Variants in GRID2 observed in about 807,000 individuals in gnomAD.
The protein encoded by GRID2 is glutamate ionotropic receptor delta type subunit 2.
GRID2 carries 33 observed loss-of-function variants against 114.8 expected under a neutral mutation model. The observed-to-expected ratio is 0.29, with a 90% CI of 0.22 to 0.38. GRID2 has a LOEUF of 0.38. Ranked by LOEUF, GRID2 falls within the 10% of genes least tolerant of loss-of-function variation. The probability of loss-of-function intolerance (pLI) is 1.00; values close to 1 mark genes in which losing one functional copy is unlikely to be tolerated. For synonymous variants in GRID2, 505 were observed against 449.9 expected (o/e 1.12, Z -1.55); for missense variants, 1,184 against 1,257.7 (o/e 0.94, Z 0.89).
intron 2 of GRID2, among the ~76,000 whole-genome samples, chr4:92,977,831 G>T (rs552730674): frequency 6.6e-6 from 1 of 152,146 alleles, no homozygotes; most frequent in Non-Finnish European, 1.5e-5. Flanking sequence ...TGAGCAATTA[G>T]ATAGCTACAA....
intron 13 of GRID2, among the ~76,000 whole-genome samples, chr4:93,590,917 C>A (rs1399344071): frequency 6.6e-6 from 1 of 151,066 alleles, no homozygotes; most frequent in Admixed American, 6.6e-5. Context: ...TATCCTGAGA[C>A]TTTGCTGAAG....
At chr4:92,800,331 G>GA (rs780122156) in intron 2 of GRID2, among the ~76,000 whole-genome samples, 1 of 149,996 alleles carries the variant, frequency 6.7e-6, no homozygotes, top group South Asian at 2.1e-4. Flanking sequence ...AGGAAGGAAA[G>GA]AAAAAAAAGA....
intron 2 of GRID2, among the ~76,000 whole-genome samples, chr4:92,952,710 C>G (rs960998329): frequency 3.3e-5 from 5 of 152,204 alleles, no homozygotes; most frequent in Non-Finnish European, 7.3e-5. Context: ...GTATCTTTCT[C>G]ACCTGCACAT....
At chr4:92,450,701 G>T (rs1052880420) in intron 1 of GRID2, among the ~76,000 whole-genome samples, 3 of 151,220 alleles carry the variant, frequency 2.0e-5, no homozygotes, top group Admixed American at 2.0e-4. Context: ...ATTCTTAATG[G>T]TACTTTTCTG....
chr4:93,618,210 AT>A (rs1741888903), intron 13 of GRID2, among the ~76,000 whole-genome samples: 1 of 152,118 alleles, frequency 6.6e-6, no homozygotes, highest in Non-Finnish European at 1.5e-5. Context: ...AGCCTCAAAG[AT>A]TTTTTTGGTC....
At chr4:92,779,294 C>T (rs1017260796) in intron 2 of GRID2, among the ~76,000 whole-genome samples, 2 of 151,800 alleles carry the variant, frequency 1.3e-5, no homozygotes, top group African/African-American at 4.8e-5. Context: ...CCCTATCACA[C>T]AATGCAAACC....
chr4:93,570,204 A>T (rs1234701257), intron 13 of GRID2, among the ~76,000 whole-genome samples: 1 of 152,168 alleles, frequency 6.6e-6, no homozygotes, highest in Non-Finnish European at 1.5e-5. Context: ...CTCAGTAGCC[A>T]GTGGTGGAGC....
At chr4:92,589,965 C>T (rs935219891) in intron 1 of GRID2, among the ~76,000 whole-genome samples, 166 bp from the exon 2 acceptor site, 2 of 152,188 alleles carry the variant, frequency 1.3e-5, no homozygotes, top group Non-Finnish European at 2.9e-5. Context: ...TATTCCTTCT[C>T]AGCTATTACA....
intron 2 of GRID2, among the ~76,000 whole-genome samples, chr4:92,684,623 T>A (rs1733812159): frequency 6.6e-6 from 1 of 152,014 alleles, no homozygotes; most frequent in South Asian, 2.1e-4. Flanking sequence ...TAGAGAAAAC[T>A]TTTTCATGAA....
intron 13 of GRID2, among the ~76,000 whole-genome samples, chr4:93,528,048 T>A (rs746151710): frequency 2.4e-4 from 37 of 152,120 alleles, no homozygotes; most frequent in Non-Finnish European, 4.7e-4. Flanking sequence ...TTTCCTTCAA[T>A]TTTAAGGCTA....
intron 14 of GRID2, among the ~76,000 whole-genome samples, chr4:93,761,763 G>C (rs1183391245): frequency 6.6e-6 from 1 of 152,126 alleles, no homozygotes; most frequent in African/African-American, 2.4e-5. Flanking sequence ...TACACTATTT[G>C]ATATTACTGA....
chr4:93,764,142 G>T (rs1168658332), intron 14 of GRID2, among the ~76,000 whole-genome samples: 3 of 152,194 alleles, frequency 2.0e-5, no homozygotes, highest in Admixed American at 2.0e-4. Flanking sequence ...GGCTAAAAAG[G>T]CTCTTCAAGA....
chr4:92,676,395 T>A (rs1393906429), intron 2 of GRID2, among the ~76,000 whole-genome samples: 3 of 151,922 alleles, frequency 2.0e-5, no homozygotes, highest in Non-Finnish European at 4.4e-5. Flanking sequence ...TTAGCCAGGA[T>A]GGTCTCGATC....
intron 4 of GRID2, among the ~76,000 whole-genome samples, chr4:93,163,530 C>G (rs1045456820): frequency 6.7e-6 from 1 of 149,084 alleles, no homozygotes; most frequent in Non-Finnish European, 1.5e-5. Flanking sequence ...TTCCAAAGTG[C>G]TGGGATTACA....
chr4:92,942,394 C>T (rs1270197500), intron 2 of GRID2, among the ~76,000 whole-genome samples: 2 of 152,076 alleles, frequency 1.3e-5, no homozygotes, highest in African/African-American at 2.4e-5. Flanking sequence ...ATTGCAACTC[C>T]TGCCTTTTTT....
intron 1 of GRID2, among the ~76,000 whole-genome samples, chr4:92,450,556 T>A (rs1308217296): frequency 1.3e-5 from 2 of 152,082 alleles, no homozygotes; most frequent in East Asian, 3.9e-4. Flanking sequence ...CATTCTCTGT[T>A]TTTTCAGCTT....
intron 11 of GRID2, among the ~76,000 whole-genome samples, chr4:93,460,867 C>G (rs968281051): frequency 1.3e-5 from 2 of 152,118 alleles, no homozygotes; most frequent in Non-Finnish European, 1.5e-5. Context: ...AATGTCCCCA[C>G]TGAGTTGTTG....
At chr4:92,952,652 A>G (rs987136682) in intron 2 of GRID2, among the ~76,000 whole-genome samples, 5 of 152,202 alleles carry the variant, frequency 3.3e-5, no homozygotes, top group African/African-American at 1.2e-4. Context: ...ACATAACTGA[A>G]TTGCCTAACT....
chr4:93,665,692 A>G (rs561403048), intron 14 of GRID2, among the ~76,000 whole-genome samples: 29 of 152,194 alleles, frequency 1.9e-4, no homozygotes, highest in African/African-American at 6.7e-4. Flanking sequence ...GGATATACCA[A>G]ATTTTCTGTA....
Sources: gnomAD v4.1 joint callset for allele counts (sites outside exome capture counted in the v4.1 genomes callset) on GRCh38, gnomAD v4.1.1 for gene constraint, MANE v1.5 for transcripts, NCBI Gene and HGNC (gene_info 2026-07-23, HGNC 2026-07-21) for gene names.